AGBL1: variants seen among roughly 807,000 people sequenced by gnomAD.
AGBL1 encodes the protein cytosolic carboxypeptidase 4.
Under a neutral mutation model 118.9 loss-of-function variants are expected in AGBL1, and 130 were observed. That is an observed-to-expected ratio of 1.09 (90% CI 0.95 to 1.26). AGBL1 has a LOEUF of 1.26. Among genes scored for constraint, AGBL1 ranks in the 50% most tolerant of loss-of-function variants. The pLI is 0.00. For synonymous variants in AGBL1, 555 were observed against 478.9 expected, an observed-to-expected ratio of 1.16 and a Z score of -2.08; for missense variants, 1,584 against 1,298.1, an observed-to-expected ratio of 1.22 and a Z score of -3.38.
chr15:86,781,903 G>A (rs761924758), intron 22 of AGBL1, among the ~76,000 whole-genome samples: 14 of 151,536 alleles, frequency 9.2e-5, no homozygotes, highest in Admixed American at 7.2e-4. Flanking sequence ...TTTTTAATTG[G>A]CCTTGTTATA....
At chr15:87,009,398 A>T (rs2141777876) in intron 24 of AGBL1, among the ~76,000 whole-genome samples, 1 of 152,358 alleles carries the variant, frequency 6.6e-6, no homozygotes, top group Middle Eastern at 3.4e-3. Flanking sequence ...CTCTGCCTAG[A>T]TTTCAAATAA....
At chr15:86,976,716 C>T (rs898695611) in intron 23 of AGBL1, among the ~76,000 whole-genome samples, 3 of 151,446 alleles carry the variant, frequency 2.0e-5, no homozygotes. Flanking sequence ...AGTTGATAGA[C>T]AAAATTTGTA....
At position 86,642,115 on chromosome 15, in the gene AGBL1, C is replaced by T. The variant is rs908986660; in HGVS notation, c.2995-32158C>T. On this transcript the variant is annotated intron_variant, in intron 21 of 22. Transcript: ENST00000614907. Reference sequence around the variant, plus strand: ...AATCTTTTGGCCAAAGCAAATCACACAAGCTCAACCTCAATGAAACAGGGA... The same window carrying T: ...AATCTTTTGGCCAAAGCAAATCACATAAGCTCAACCTCAATGAAACAGGGA... Among the ~76,000 whole-genome samples the T allele has an allele frequency of 2.6e-5, 4 of 152,164 alleles. No homozygotes were observed. In the South Asian group the frequency reaches 8.3e-4, roughly 32 times the overall value.
intron 13 of AGBL1, among the ~76,000 whole-genome samples, chr15:86,268,984 G>T (rs1370032149): frequency 1.3e-5 from 2 of 152,198 alleles, no homozygotes; most frequent in Admixed American, 6.5e-5. Flanking sequence ...GAAATATCCT[G>T]ATAATGTTTA....
intron 18 of AGBL1, among the ~76,000 whole-genome samples, chr15:86,480,029 T>C (rs908840724): frequency 1.3e-5 from 2 of 151,218 alleles, no homozygotes; most frequent in African/African-American, 4.9e-5. Flanking sequence ...AGGTGGGAAT[T>C]GAACAATGAG....
At chr15:86,592,635 A>G (rs914036626) in intron 21 of AGBL1, among the ~76,000 whole-genome samples, 2 of 152,050 alleles carry the variant, frequency 1.3e-5, no homozygotes, top group African/African-American at 4.8e-5. Flanking sequence ...TTACCAGTTG[A>G]GTGTTCTTAG....
chr15:86,123,753 A>G (rs2141587850), intron 1 of AGBL1, among the ~76,000 whole-genome samples: 1 of 152,354 alleles, frequency 6.6e-6, no homozygotes, highest in South Asian at 2.1e-4. Context: ...GTATAAAACC[A>G]AGCTGTAGCC....
Position 86,915,406 on chromosome 15 carries a change from C to G in AGBL1, c.*8112C>G, listed in dbSNP as rs2080406669. ...ATTTTCTGGTCTCTTCTCTTGACAT[C>G]AGCCCCTGTTAAAGTCATAAAAACT... On this transcript the variant is annotated 3_prime_UTR_variant, in exon 23 of 23. Transcript: ENST00000614907. 1 of 152,242 alleles carries G rather than the reference C, an allele frequency of 6.6e-6. No homozygotes were observed. The highest frequency in any genetic ancestry group is 1.5e-5 in the Non-Finnish European group (1 of 68,096). 9.4% of individuals were successfully genotyped at this position (152,242 alleles called of 1,614,324 possible).
At chr15:86,207,657 G>A (rs374060480) in intron 5 of AGBL1, among the ~76,000 whole-genome samples, 1 of 152,126 alleles carries the variant, frequency 6.6e-6, no homozygotes, top group Non-Finnish European at 1.5e-5. Context: ...TTTGCACATC[G>A]ATTTTGTTTC....
intron 18 of AGBL1, among the ~76,000 whole-genome samples, chr15:86,504,831 T>C (rs953437804): frequency 1.3e-5 from 2 of 151,778 alleles, no homozygotes; most frequent in African/African-American, 4.8e-5. Flanking sequence ...CAATGCCTTT[T>C]ATATTTACGT....
chr15:86,553,554 A>C (rs2083691339), intron 20 of AGBL1, among the ~76,000 whole-genome samples: 1 of 152,194 alleles, frequency 6.6e-6, no homozygotes, highest in African/African-American at 2.4e-5. Flanking sequence ...ACTCTTAGGA[A>C]AGAAGTGAAC....
intron 21 of AGBL1, among the ~76,000 whole-genome samples, chr15:86,580,793 C>G (rs535636065): frequency 6.6e-6 from 1 of 152,152 alleles, no homozygotes; most frequent in Non-Finnish European, 1.5e-5. Flanking sequence ...CTATGGAACA[C>G]TAGAACTTAG....
At chr15:86,737,248 C>CG (rs1339685955) in intron 22 of AGBL1, among the ~76,000 whole-genome samples, 1 of 152,146 alleles carries the variant, frequency 6.6e-6, no homozygotes, top group East Asian at 1.9e-4. Context: ...GAAAATTTCA[C>CG]GGAGGAGGTG....
intron 17 of AGBL1, among the ~76,000 whole-genome samples, chr15:86,379,117 TG>T (rs1387702442): frequency 1.3e-5 from 2 of 152,054 alleles, no homozygotes; most frequent in East Asian, 3.9e-4. Flanking sequence ...TTCACCGTGT[TG>T]GTCAGGCTGG....
chr15:86,903,302 A>G (rs1176555620), intron 22 of AGBL1, among the ~76,000 whole-genome samples: 1 of 150,860 alleles, frequency 6.6e-6, no homozygotes, highest in Non-Finnish European at 1.5e-5. Flanking sequence ...TTTTTTACTG[A>G]GTTCTATAAT....
chr15:86,743,715 G>A (rs1356931582), intron 22 of AGBL1, among the ~76,000 whole-genome samples: 1 of 152,072 alleles, frequency 6.6e-6, no homozygotes, highest in African/African-American at 2.4e-5. Flanking sequence ...TTCTGATGCG[G>A]ATGATCCCTG....
intron 17 of AGBL1, among the ~76,000 whole-genome samples, chr15:86,298,144 T>C (rs1027428020): frequency 6.7e-6 from 1 of 150,214 alleles, no homozygotes; most frequent in African/African-American, 2.5e-5. Flanking sequence ...ACCCAGCAGA[T>C]CCCAGCACAG....
chr15:86,734,629 G>A (rs965287258), intron 22 of AGBL1, among the ~76,000 whole-genome samples: 15 of 152,230 alleles, frequency 9.9e-5, no homozygotes, highest in Non-Finnish European at 5.9e-5. Context: ...CTATGCTGTG[G>A]AGTCATTGTC....
At chr15:86,785,144 A>T (rs1288612317) in intron 22 of AGBL1, among the ~76,000 whole-genome samples, 1 of 151,936 alleles carries the variant, frequency 6.6e-6, no homozygotes, top group Non-Finnish European at 1.5e-5. Flanking sequence ...GAAGCTAAGG[A>T]GGAATAGGAG....
Sources: gnomAD v4.1 joint callset for allele counts (sites outside exome capture counted in the v4.1 genomes callset) on GRCh38, gnomAD v4.1.1 for gene constraint, MANE v1.5 for transcripts, NCBI Gene and HGNC (gene_info 2026-07-23, HGNC 2026-07-21) for gene names.